The following POLG variants were observed in gnomAD, a reference collection of about 807,000 sequenced individuals.
POLG encodes the protein DNA polymerase subunit gamma-1.
POLG carries 110 observed loss-of-function variants against 155.4 expected under a neutral mutation model. The observed-to-expected ratio is 0.71, with a 90% CI of 0.61 to 0.83. The LOEUF (loss-of-function observed/expected upper bound fraction) is 0.83, where lower values mean the gene tolerates loss of function less well. POLG is among the 40% of genes least tolerant of loss of function. POLG has a pLI of 0.00. For missense variants in POLG, 1,685 were observed against 1,627.5 expected, an observed-to-expected ratio of 1.04 and a Z score of -0.61; for synonymous variants, 701 against 631.5, an observed-to-expected ratio of 1.11 and a Z score of -1.65.
In POLG at chr15:89,326,538, C is replaced by A. The variant is rs1711658802; in HGVS notation, c.1712+74G>T. 6.0e-6 allele frequency: 9 copies of A among 1,497,622 alleles called. No individual in the cohort carries two copies. The Admixed American group carries it at 1.7e-4, about 29-fold the overall frequency. 92.8% of individuals were successfully genotyped at this position (1,497,622 alleles called of 1,614,324 possible). A position where few individuals can be genotyped will look rare whatever the true frequency, so the allele number is the denominator to read the frequency against. On this transcript the variant is annotated intron_variant, in intron 9 of 22. Coordinates refer to ENST00000268124, the MANE Select transcript of POLG (RefSeq NM_002693.3). ...TGTGCATGATGCCTCTGTGCCAGAA[C>A]CCAGACCAGGGCTGTCCTGAGAATG...
Position 89,319,360 on chromosome 15 carries a change from G to T in POLG, c.2982-10C>A. The stretch of plus-strand genomic sequence containing the variant: ...ATCCGACAGCCGATACCTGGGGGCA[G>T]TGTTATCACCATCATTCCACGGGAG... On this transcript the variant is annotated splice_polypyrimidine_tract_variant and intron_variant, in intron 18 of 22. Transcript: ENST00000268124. 1.2e-6 allele frequency: 2 copies of T among 1,613,548 alleles called. No individual in the cohort carries two copies. Among genetic ancestry groups the T allele is most frequent in the Non-Finnish European group, 1.7e-6 (2 of 1,180,024 alleles).
chr15:89,319,502 TCA>T, intron 18 of POLG, 152 bp from the exon 19 acceptor site: 1 of 1,029,968 alleles, frequency 9.7e-7, no homozygotes. Flanking sequence ...AAGAAACGGC[TCA>T]GAGAGGCTAA....
intron 3 of POLG, 144 bp downstream of exon 3, chr15:89,329,937 A>C (rs1342847267): frequency 2.7e-6 from 2 of 735,946 alleles, no homozygotes; most frequent in African/African-American, 1.7e-5. Context: ...GACCAGAGGC[A>C]CAGCTGGTCA....
intron 14 of POLG, 149 bp from the exon 15 acceptor site, chr15:89,322,164 A>ACCTT: frequency 1.3e-6 from 1 of 793,988 alleles, no homozygotes; most frequent in Non-Finnish European, 2.2e-6. Flanking sequence ...GCCCTGGCTC[A>ACCTT]GCCAAGAACT....
At position 89,333,538 on chromosome 15, in the gene POLG, G is replaced by A; in HGVS notation, c.217C>T (p.Pro73Ser). ...SSEGGQLRHN[P>S]LDIQMLSRGL... ...CTCGAGAGCATCTGGATGTCCAATGGGTTGTGCCGCAGCTGCCCGCCCTCC... is the reference window on the plus strand; with the variant it reads ...CTCGAGAGCATCTGGATGTCCAATGAGTTGTGCCGCAGCTGCCCGCCCTCC... The change falls in exon 2 of 23, where the codon CCA (proline) becomes TCA (serine). Residue 73 changes from proline (P) to serine (S), a missense_variant. Pro to Ser is a moderately conservative substitution (Grantham distance 74, BLOSUM62 -1). Transcript: ENST00000268124. 6.2e-7 allele frequency: 1 copy of A among 1,612,796 alleles called. No homozygotes were observed. Among genetic ancestry groups the A allele is most frequent in the Non-Finnish European group, 8.5e-7 (1 of 1,179,706 alleles).
chr15:89,322,661 T>C (rs1394585244), intron 14 of POLG, 81 bp downstream of exon 14: 4 of 1,485,880 alleles, frequency 2.7e-6, no homozygotes, highest in East Asian at 4.5e-5. Flanking sequence ...TGGCCCTCTG[T>C]GGGAATCCAG....
At chr15:89,321,350 AG>A in intron 16 of POLG, 90 bp from the exon 17 acceptor site, 1 of 1,449,926 alleles carries the variant, frequency 6.9e-7, no homozygotes, top group Non-Finnish European at 9.6e-7. Flanking sequence ...GCCTTTCCTG[AG>A]GGGATGGCTT....
intron 14 of POLG, among the ~76,000 whole-genome samples, chr15:89,322,273 G>A (rs1004307007): frequency 3.9e-5 from 6 of 152,166 alleles, no homozygotes; most frequent in African/African-American, 1.4e-4. Context: ...TCCATGAGGC[G>A]CTCCTTCCAC....
rs2055269914 is a variant in POLG, at chr15:89,316,510, C to T, written c.*241G>A. 7 of 1,550,688 alleles carry T rather than the reference C, an allele frequency of 4.5e-6. No homozygotes were observed. In the Admixed American group the frequency reaches 7.4e-5, roughly 16 times the overall value. The stretch of plus-strand genomic sequence containing the variant: ...TTTGGGGCTTCTGCTTCATTTTTAC[C>T]CAACAAGCAACAATGCCCCTTGTCC... On this transcript the variant is annotated 3_prime_UTR_variant, in exon 23 of 23. Coordinates refer to ENST00000268124, the MANE Select transcript of POLG (RefSeq NM_002693.3).
At position 89,323,504 on chromosome 15, in the gene POLG, C is replaced by G. The variant is rs185645212; in HGVS notation, c.2165G>C (p.Arg722Pro). The stretch of plus-strand genomic sequence containing the variant: ...GGGCTGGGTGTCCTTGGGGCCACCA[C>G]GGGCAGTCTGTGAGGGCCACACACC... ...VPGQPLALTA[R>P]GGPKDTQPSY... is the part of the protein sequence containing the mutation. Residue 722 changes from arginine (R) to proline (P), a missense_variant, in exon 13 of 23, where the codon CGT (arginine) becomes CCT (proline). By Grantham distance (103) the Arg-to-Pro change is moderately radical. Coordinates refer to ENST00000268124, the MANE Select transcript of POLG (RefSeq NM_002693.3). 1.9e-6 allele frequency: 3 copies of G among 1,608,372 alleles called. No individual in the cohort carries two copies. Among genetic ancestry groups the G allele is most frequent in the Admixed American group, 1.7e-5 (1 of 60,012 alleles).
In POLG at chr15:89,326,901, A is replaced by T; in HGVS notation, c.1585+11T>A. On this transcript the variant is annotated intron_variant, in intron 8 of 22. Transcript: ENST00000268124. ...CCCTACCCTACCCTACCTCCCACCC[A>T]TGCTCCCCACCTTCCTGATCCATGG... The T allele has an allele frequency of 6.2e-7, 1 of 1,613,796 alleles. No homozygotes were observed. The highest frequency in any genetic ancestry group is 1.1e-5 in the South Asian group (1 of 91,072).
chr15:89,324,840 TACAC>T (rs1300414598), intron 10 of POLG, among the ~76,000 whole-genome samples: 1 of 152,192 alleles, frequency 6.6e-6, no homozygotes, highest in Non-Finnish European at 1.5e-5. Context: ...TCAAATTATA[TACAC>T]ACACTTTTTT....
chr15:89,329,161 G>T, intron 3 of POLG, 51 bp from the exon 4 acceptor site: 2 of 1,517,826 alleles, frequency 1.3e-6, no homozygotes, highest in Non-Finnish European at 1.8e-6. Context: ...CTGCAACTGT[G>T]GGGCCAGCCC....
At chr15:89,330,027 A>T in intron 3 of POLG, 54 bp downstream of exon 3, 1 of 1,446,570 alleles carries the variant, frequency 6.9e-7, no homozygotes, top group Non-Finnish European at 9.7e-7. Context: ...CACTGAGATT[A>T]GGGCTCCTGG....
At chr15:89,317,758 AC>A (rs1363985365) in intron 21 of POLG, 1 of 522,792 alleles carries the variant, frequency 1.9e-6, no homozygotes, top group Non-Finnish European at 3.3e-6. Context: ...GACTCAACAT[AC>A]TTTTTTTTTT....
chr15:89,325,107 A>AGTGAGTGAGTGAGT (rs10637324), intron 10 of POLG, among the ~76,000 whole-genome samples: 6 of 36,660 alleles, frequency 1.6e-4, no homozygotes, highest in African/African-American at 1.2e-3. Flanking sequence ...TGAGAGAGTG[A>AGTGAGTGAGTGAGT]GAGAGAGTGA....
chr15:89,325,877 T>C (rs1368087701), intron 9 of POLG, among the ~76,000 whole-genome samples, 191 bp from the exon 10 acceptor site: 2 of 152,104 alleles, frequency 1.3e-5, no homozygotes, highest in Non-Finnish European at 2.9e-5. Flanking sequence ...TAGAAGAATA[T>C]TTCAAAAGCA....
At chr15:89,317,310 C>T in intron 22 of POLG, 66 bp downstream of exon 22, 1 of 1,544,748 alleles carries the variant, frequency 6.5e-7, no homozygotes, top group African/African-American at 1.4e-5. Context: ...TTCCTGTTCT[C>T]CAAGACCCAC....
chr15:89,326,654 T>C lies in POLG; in HGVS notation c.1670A>G (p.Glu557Gly). The change falls in exon 9 of 23, where the codon GAG becomes GGG. Residue 557 changes from glutamate (E) to glycine (G), a missense_variant. Physicochemically the swap from Glu to Gly is moderately conservative, Grantham distance 98. Coordinates refer to ENST00000268124, the MANE Select transcript of POLG (RefSeq NM_002693.3). ...ACLQKLKGTT[E>G]LLPKRPQHLP... is the part of the protein sequence containing the mutation. ...GTGCTGGGGCCGCTTGGGCAGGAGC[T>C]CTGTGGTCCCCTTCAGCTTCTGCAA... 6.2e-7 allele frequency: 1 copy of C among 1,614,040 alleles called. No homozygotes were observed. The highest frequency in any genetic ancestry group is 8.5e-7 in the Non-Finnish European group (1 of 1,180,006).
Sources: allele counts gnomAD v4.1 joint callset (sites outside exome capture counted in the v4.1 genomes callset), GRCh38; gene constraint gnomAD v4.1.1; transcripts MANE v1.5; gene names NCBI Gene and HGNC (gene_info 2026-07-23, HGNC 2026-07-21).